The following DOCK3 variants were observed in gnomAD, a reference collection of about 807,000 sequenced individuals.
DOCK3 encodes the protein dedicator of cytokinesis protein 3.
In DOCK3, 60 loss-of-function variants were observed where a neutral mutation model predicts 265.6. The observed-to-expected ratio is 0.23, with a 90% CI of 0.18 to 0.28. The LOEUF is 0.28. Among genes scored for constraint, DOCK3 ranks in the 10% least tolerant of loss-of-function variants. DOCK3 has a pLI of 1.00. For missense variants in DOCK3, 1,981 were observed against 2,594.3 expected, an observed-to-expected ratio of 0.76 and a Z score of 5.14; for synonymous variants, 881 against 938.0, an observed-to-expected ratio of 0.94 and a Z score of 1.11.
intron 12 of DOCK3, among the ~76,000 whole-genome samples, chr3:51,163,765 T>C (rs2086248435): frequency 6.6e-6 from 1 of 152,182 alleles, no homozygotes; most frequent in Non-Finnish European, 1.5e-5. Context: ...GATAAATACA[T>C]ATTTTGAATA....
At chr3:50,915,026 G>T (rs1575519230) in intron 4 of DOCK3, among the ~76,000 whole-genome samples, 2 of 152,210 alleles carry the variant, frequency 1.3e-5, no homozygotes, top group South Asian at 4.1e-4. Flanking sequence ...CTGTGGCAGA[G>T]TTGGATATAG....
chr3:50,838,867 T>C (rs189371029), intron 2 of DOCK3, among the ~76,000 whole-genome samples: 311 of 152,340 alleles, frequency 2.0e-3, no homozygotes, highest in Non-Finnish European at 3.5e-3. Flanking sequence ...TTCTTAGTCA[T>C]GGAACGGATA....
At chr3:50,931,020 G>T (rs978346945) in intron 4 of DOCK3, among the ~76,000 whole-genome samples, 101 of 152,316 alleles carry the variant, frequency 6.6e-4, no homozygotes, top group African/African-American at 2.4e-3. Context: ...GCCCGGCTGT[G>T]TAAGGGTGAC....
intron 12 of DOCK3, among the ~76,000 whole-genome samples, chr3:51,183,672 G>A (rs919850204): frequency 5.3e-5 from 8 of 152,146 alleles, no homozygotes; most frequent in African/African-American, 1.4e-4. Flanking sequence ...TGATAAAATA[G>A]AAGTAAAAAT....
At chr3:50,857,600 A>G (rs1004892864) in intron 3 of DOCK3, among the ~76,000 whole-genome samples, 2 of 152,224 alleles carry the variant, frequency 1.3e-5, no homozygotes, top group Admixed American at 1.3e-4. Flanking sequence ...AAAAAACACC[A>G]TCAAAAAGTG....
At chr3:51,367,921 A>G (rs1469231693) in intron 49 of DOCK3, among the ~76,000 whole-genome samples, 2 of 152,174 alleles carry the variant, frequency 1.3e-5, no homozygotes, top group Non-Finnish European at 2.9e-5. Flanking sequence ...GTGGCCCTCA[A>G]CATTTTTTCC....
chr3:50,851,488 A>G (rs1179648911), intron 3 of DOCK3, among the ~76,000 whole-genome samples: 8 of 152,148 alleles, frequency 5.3e-5, no homozygotes, highest in Admixed American at 5.2e-4. Context: ...ACCATGGTCA[A>G]TGTCCATAAA....
chr3:51,009,152 C>T lies in DOCK3; in HGVS notation c.316-55296C>T, dbSNP rs559261809. 5.9e-5 allele frequency among the ~76,000 whole-genome samples: 9 copies of T among 152,204 alleles called. No individual in the cohort carries two copies. In the South Asian group the frequency reaches 1.9e-3, roughly 32 times the overall value. The stretch of plus-strand genomic sequence containing the variant: ...CTCATAAAATGACTTAGGGATGATT[C>T]CCTCTTTTTCTATTGATTGGAATAG... On this transcript the variant is annotated intron_variant, in intron 5 of 52. Transcript: ENST00000266037.
intron 23 of DOCK3, among the ~76,000 whole-genome samples, chr3:51,269,027 G>T (rs905288390): frequency 6.6e-6 from 1 of 151,382 alleles, no homozygotes; most frequent in South Asian, 2.1e-4. Context: ...ATCTGGTCTC[G>T]GCTAAGACCT....
chr3:50,847,882 C>CAA (rs3043428), intron 3 of DOCK3, among the ~76,000 whole-genome samples: 1,167 of 97,602 alleles, frequency 0.012, 64 homozygotes, highest in African/African-American at 0.038. Context: ...GGCTCCATTT[C>CAA]AAAAAAAAAA....
In DOCK3 at chr3:51,355,908, A is replaced by G. The variant is rs532101726; in HGVS notation, c.4250-181A>G. On this transcript the variant is annotated intron_variant, in intron 41 of 52. Transcript: ENST00000266037. ...GAGCAGGGAGAGGGAGAGAGCAGAT[A>G]GAGATTTACCTAACTGAGCTTGGGT... is the stretch of plus-strand genomic sequence containing the variant. 1.4e-4 allele frequency among the ~76,000 whole-genome samples: 22 copies of G among 152,276 alleles called. No individual in the cohort carries two copies. In the South Asian group the frequency reaches 4.6e-3, roughly 32 times the overall value.
At chr3:51,218,556 C>T (rs183072296) in intron 14 of DOCK3, among the ~76,000 whole-genome samples, 1 of 152,264 alleles carries the variant, frequency 6.6e-6, no homozygotes, top group Non-Finnish European at 1.5e-5. Context: ...CTTTGCTTTC[C>T]TGGAAAGTCT....
chr3:50,861,800 T>C (rs2107508327), intron 3 of DOCK3, among the ~76,000 whole-genome samples: 1 of 151,878 alleles, frequency 6.6e-6, no homozygotes, highest in African/African-American at 2.4e-5. Flanking sequence ...TTTATCCCTT[T>C]ATGTTGAGCC....
At chr3:51,061,456 G>A (rs1410655682) in intron 5 of DOCK3, among the ~76,000 whole-genome samples, 3 of 151,914 alleles carry the variant, frequency 2.0e-5, no homozygotes, top group East Asian at 1.9e-4. Flanking sequence ...GCAAACTATT[G>A]CAAGGACAAA....
intron 5 of DOCK3, among the ~76,000 whole-genome samples, chr3:51,042,627 C>G (rs1333069121): frequency 6.6e-6 from 1 of 152,078 alleles, no homozygotes; most frequent in African/African-American, 2.4e-5. Flanking sequence ...GAAGCCCATT[C>G]AGATAGAGAG....
intron 5 of DOCK3, among the ~76,000 whole-genome samples, chr3:50,966,502 CT>C (rs531569343): frequency 0.081 from 9,324 of 114,554 alleles, 379 homozygotes; most frequent in East Asian, 0.29. Context: ...TTTTTTCTTC[CT>C]TTTTTTTTTT....
intron 12 of DOCK3, among the ~76,000 whole-genome samples, chr3:51,192,409 T>A (rs943522904): frequency 6.6e-6 from 1 of 151,590 alleles, no homozygotes; most frequent in Non-Finnish European, 1.5e-5. Context: ...AAAAGAAAAC[T>A]AACAGGTCAA....
At chr3:51,249,118 C>G (rs376947789) in intron 22 of DOCK3, among the ~76,000 whole-genome samples, 1 of 148,832 alleles carries the variant, frequency 6.7e-6, no homozygotes, top group Admixed American at 6.8e-5. Flanking sequence ...GTCAGCCCCC[C>G]GCCAGGCCAG....
At chr3:50,922,183 T>A (rs992341390) in intron 4 of DOCK3, among the ~76,000 whole-genome samples, 2 of 152,206 alleles carry the variant, frequency 1.3e-5, no homozygotes, top group Non-Finnish European at 2.9e-5. Context: ...GCAGGCCTCC[T>A]TGAGCTGCCA....
Sources: gnomAD v4.1 joint callset for allele counts (sites outside exome capture counted in the v4.1 genomes callset) on GRCh38, gnomAD v4.1.1 for gene constraint, MANE v1.5 for transcripts, NCBI Gene and HGNC (gene_info 2026-07-23, HGNC 2026-07-21) for gene names.